TEX9: variants seen among roughly 807,000 people sequenced by gnomAD.
TEX9 encodes the protein testis expressed 9.
TEX9 carries 74 observed loss-of-function variants against 59.6 expected under a neutral mutation model. The observed-to-expected ratio is 1.24, with a 90% CI of 1.03 to 1.51. The LOEUF (loss-of-function observed/expected upper bound fraction) is 1.51. TEX9 is among the 40% of genes most tolerant of loss of function. TEX9 has a pLI of 0.00. For synonymous variants in TEX9, 186 were observed against 152.2 expected (o/e 1.22, Z -1.64); for missense variants, 522 against 447.8 (o/e 1.17, Z -1.49).
chr15:56,358,076 C>T (rs1310846738), intron 1 of TEX9, among the ~76,000 whole-genome samples: 2 of 152,128 alleles, frequency 1.3e-5, no homozygotes, highest in Admixed American at 6.6e-5. Context: ...TGGGGCACTA[C>T]CAGTCTAAAT....
chr15:56,331,496 A>G (rs886448581), intron 1 of TEX9, among the ~76,000 whole-genome samples: 34 of 152,192 alleles, frequency 2.2e-4, no homozygotes, highest in African/African-American at 7.5e-4. Context: ...CAATAAGAGG[A>G]AGAATTTTGA....
chr15:56,297,607 C>T (rs1248005106), intron 1 of TEX9, among the ~76,000 whole-genome samples: 1 of 152,176 alleles, frequency 6.6e-6, no homozygotes, highest in African/African-American at 2.4e-5. Flanking sequence ...CTGGTTCAAG[C>T]GATTCTCCTG....
At chr15:56,386,773 A>G (rs2047980056) in intron 4 of TEX9, among the ~76,000 whole-genome samples, 1 of 151,954 alleles carries the variant, frequency 6.6e-6, no homozygotes, top group African/African-American at 2.4e-5. Context: ...CTAACAACAG[A>G]TGATGATGTT....
intron 9 of TEX9, chr15:56,396,422 GC>G (rs1196112480): frequency 6.6e-6 from 1 of 151,982 alleles, no homozygotes; most frequent in Non-Finnish European, 1.5e-5. Context: ...AGTTCCATCA[GC>G]CCCCCAAAAT....
At chr15:56,330,955 G>A (rs542188361) in intron 1 of TEX9, among the ~76,000 whole-genome samples, 1 of 151,994 alleles carries the variant, frequency 6.6e-6, no homozygotes, top group African/African-American at 2.4e-5. Flanking sequence ...TGAAAATAAA[G>A]AAATGGAAAA....
intron 3 of TEX9, 86 bp downstream of exon 3, chr15:56,373,590 A>T: frequency 9.0e-7 from 1 of 1,111,918 alleles, no homozygotes; most frequent in East Asian, 3.0e-5. Flanking sequence ...TATACAAAAC[A>T]CTAGCCAAAG....
chr15:56,365,478 G>C lies in TEX9; in HGVS notation c.27+1G>C, dbSNP rs747435082. ...GGCGGGGCGAAGTCTGTGTCTCACG[G>C]TCAGTTCAACTCCAGGCTCCTGGGG... On this transcript the variant is annotated splice_donor_variant, in intron 1 of 12. Transcript: ENST00000352903. LOFTEE classifies it high-confidence loss of function. 24 of 1,614,014 alleles carry C rather than the reference G, an allele frequency of 1.5e-5. No individual in the cohort carries two copies. The South Asian group carries it at 2.6e-4, about 18-fold the overall frequency.
chr15:56,384,349 T>A (rs2047869294), intron 4 of TEX9, among the ~76,000 whole-genome samples: 1 of 152,172 alleles, frequency 6.6e-6, no homozygotes. Flanking sequence ...CCAAGTCTCT[T>A]ACAGTTGTCA....
At chr15:56,291,406 C>A (rs2045088241) in intron 1 of TEX9, among the ~76,000 whole-genome samples, 2 of 151,970 alleles carry the variant, frequency 1.3e-5, no homozygotes, top group South Asian at 4.2e-4. Context: ...CAACATCCTC[C>A]CCCCTATTTA....
intron 12 of TEX9, chr15:56,431,402 C>T: frequency 6.2e-7 from 1 of 1,613,236 alleles, no homozygotes; most frequent in Non-Finnish European, 8.5e-7. Flanking sequence ...AAGTTTGTAG[C>T]ATGCTCTTTA....
intron 12 of TEX9, among the ~76,000 whole-genome samples, chr15:56,441,528 G>T (rs2050813998): frequency 6.6e-6 from 1 of 152,040 alleles, no homozygotes; most frequent in South Asian, 2.1e-4. Flanking sequence ...GACTCAAAAA[G>T]CAATTGTAAC....
the TEX9 span, chr15:56,456,662 T>C: frequency 1.0e-4 from 91 of 880,136 alleles, no homozygotes; most frequent in Non-Finnish European, 1.4e-4. Flanking sequence ...AAAATGTTGT[T>C]TCAATAAATA....
intron 1 of TEX9, among the ~76,000 whole-genome samples, chr15:56,296,468 T>C (rs1239540833): frequency 6.6e-6 from 1 of 152,230 alleles, no homozygotes; most frequent in Non-Finnish European, 1.5e-5. Context: ...TTTCAAGAAT[T>C]ACTCATTATG....
At chr15:56,455,852 G>C in the TEX9 span, among the ~76,000 whole-genome samples, 1 of 152,066 alleles carries the variant, frequency 6.6e-6, no homozygotes, top group Admixed American at 6.6e-5. Context: ...AAGGAACAAG[G>C]GATAGCTAAC....
chr15:56,411,447 A>G (rs1179975800), intron 9 of TEX9, among the ~76,000 whole-genome samples: 5 of 152,232 alleles, frequency 3.3e-5, no homozygotes, highest in African/African-American at 1.2e-4. Context: ...AATGAGGATT[A>G]GAAAGGAAAT....
At chr15:56,329,076 G>C (rs2046087346) in intron 1 of TEX9, among the ~76,000 whole-genome samples, 1 of 152,148 alleles carries the variant, frequency 6.6e-6, no homozygotes, top group South Asian at 2.1e-4. Flanking sequence ...ACACAGCTCA[G>C]CACAGAGAAG....
rs2046324600 is a variant in TEX9, at chr15:56,339,395, A to AAAAC, written c.-106-34043_-106-34042insCAAA. Among the ~76,000 whole-genome samples, 3 of 119,894 alleles carry AAAAC rather than the reference A, an allele frequency of 2.5e-5. 1 individual carries two copies. Among genetic ancestry groups the AAAAC allele is most frequent in the Non-Finnish European group, 5.3e-5 (3 of 56,802 alleles). 78.7% of individuals were successfully genotyped at this position (119,894 alleles called of 152,430 possible). ...AAGACTCCTTCTCCAAAAAAAAAAA[A>AAAAC]AAAAAAAAAAAAAAAAAAACAGGAG... is the stretch of plus-strand genomic sequence containing the variant. On this transcript the variant is annotated intron_variant, in intron 1 of 5. Coordinates refer to the TEX9 transcript ENST00000560827.
chr15:56,373,820 T>C (rs913991927), intron 3 of TEX9, among the ~76,000 whole-genome samples: 2 of 152,142 alleles, frequency 1.3e-5, no homozygotes, highest in African/African-American at 2.4e-5. Flanking sequence ...AGTAGTCTAC[T>C]TTAAAACTTT....
intron 9 of TEX9, 121 bp from the exon 10 acceptor site, chr15:56,412,173 CGTGTGTGT>C: frequency 5.7e-6 from 4 of 696,216 alleles, no homozygotes; most frequent in Non-Finnish European, 6.7e-6. Flanking sequence ...TACCCCCAAG[CGTGTGTGT>C]GTGTGTGTGT....
Sources: gnomAD v4.1 joint callset for allele counts (sites outside exome capture counted in the v4.1 genomes callset) on GRCh38, gnomAD v4.1.1 for gene constraint, MANE v1.5 for transcripts, NCBI Gene and HGNC (gene_info 2026-07-23, HGNC 2026-07-21) for gene names.